LINGO2: variants seen among roughly 807,000 people sequenced by gnomAD.
LINGO2 encodes the protein leucine-rich repeat and immunoglobulin-like domain-containing nogo receptor-interacting protein 2.
Under a neutral mutation model 30.6 loss-of-function variants are expected in LINGO2, and 14 were observed. That is an observed-to-expected ratio of 0.46 (90% CI 0.30 to 0.72). The LOEUF (loss-of-function observed/expected upper bound fraction) is 0.72. Among genes scored for constraint, LINGO2 ranks in the 30% least tolerant of loss-of-function variants. The pLI is 0.07. For missense variants in LINGO2, 729 were observed against 751.7 expected (o/e 0.97, Z 0.35); for synonymous variants, 317 against 288.5 (o/e 1.10, Z -1.00).
At chr9:29,021,415 T>C in the LINGO2 span, among the ~76,000 whole-genome samples, 2 of 152,040 alleles carry the variant, frequency 1.3e-5, no homozygotes, top group Non-Finnish European at 2.9e-5. Context: ...TCCCAGCACT[T>C]TGGGAGGCGA....
chr9:28,088,592 G>A, intron 4 of LINGO2, among the ~76,000 whole-genome samples: 1 of 151,798 alleles, frequency 6.6e-6, no homozygotes, highest in Non-Finnish European at 1.5e-5. Context: ...GCAACATATG[G>A]AAGACCACAG....
chr9:29,038,861 C>T, the LINGO2 span, among the ~76,000 whole-genome samples: 32 of 151,996 alleles, frequency 2.1e-4, no homozygotes, highest in Non-Finnish European at 4.3e-4. Context: ...AATATTAAGA[C>T]GCCTTAACCG....
At chr9:28,579,934 A>G (rs1378115056) in intron 1 of LINGO2, among the ~76,000 whole-genome samples, 2 of 152,134 alleles carry the variant, frequency 1.3e-5, no homozygotes, top group Non-Finnish European at 2.9e-5. Flanking sequence ...ATATTTGATC[A>G]TGCATTACCC....
At chr9:28,886,689 A>G in the LINGO2 span, among the ~76,000 whole-genome samples, 14 of 152,002 alleles carry the variant, frequency 9.2e-5, no homozygotes, top group East Asian at 1.9e-4. Flanking sequence ...TTTTCTCTCT[A>G]TGTAATTTCC....
At chr9:27,950,671 T>TCTA (rs1378269761) in exon 6 of LINGO2, 18 of 1,505,926 alleles carry the variant, frequency 1.2e-5, no homozygotes, top group South Asian at 6.9e-5. Context: ...GTGTGAAGCA[T>TCTA]GACTCCACTT....
Position 28,130,770 on chromosome 9 carries a change from C to A in LINGO2, c.-86-118365G>T, listed in dbSNP as rs1426118827. ...TTATTATATTATCAGATATTCTGGG[C>A]CAAATGTGCAGAAATGGAAAAAGAT... On this transcript the variant is annotated intron_variant, in intron 4 of 5. Coordinates refer to ENST00000379992, the Ensembl canonical transcript of LINGO2. The surrounding 1 kb of genome is among the most constrained non-coding windows in gnomAD (Gnocchi z 5.2). 6.6e-6 allele frequency among the ~76,000 whole-genome samples: 1 copy of A among 151,866 alleles called. No individual in the cohort carries two copies. Among genetic ancestry groups the A allele is most frequent in the East Asian group, 1.9e-4 (1 of 5,194 alleles).
At chr9:28,265,232 C>T (rs986770765) in intron 4 of LINGO2, among the ~76,000 whole-genome samples, 1 of 151,742 alleles carries the variant, frequency 6.6e-6, no homozygotes, top group African/African-American at 2.4e-5. Context: ...CCTGGACAAC[C>T]CTGATGGATA....
intron 3 of LINGO2, among the ~76,000 whole-genome samples, chr9:28,307,648 T>C (rs961257965): frequency 1.6e-4 from 24 of 152,152 alleles, no homozygotes; most frequent in Admixed American, 1.5e-3. Context: ...TTGTCCCTGT[T>C]TGCAGATGAC....
At chr9:28,883,973 C>T in the LINGO2 span, among the ~76,000 whole-genome samples, 7 of 151,550 alleles carry the variant, frequency 4.6e-5, no homozygotes, top group African/African-American at 1.2e-4. Context: ...CCACCGCGCC[C>T]GGCTAGAATA....
downstream of LINGO2, among the ~76,000 whole-genome samples, chr9:27,947,289 G>A (rs967541085): frequency 1.3e-5 from 2 of 152,058 alleles, no homozygotes; most frequent in East Asian, 1.9e-4. Context: ...TGGTGGTCAC[G>A]GCATGACATC....
chr9:28,771,432 C>CTTTCTT, the LINGO2 span, among the ~76,000 whole-genome samples: 1 of 148,496 alleles, frequency 6.7e-6, no homozygotes, highest in Non-Finnish European at 1.5e-5. Flanking sequence ...CTCCTTTCTC[C>CTTTCTT]TTTCTTTTCT....
At chr9:28,324,537 C>A (rs1252866207) in intron 3 of LINGO2, among the ~76,000 whole-genome samples, 3 of 152,130 alleles carry the variant, frequency 2.0e-5, no homozygotes, top group African/African-American at 7.2e-5. Flanking sequence ...AAAGAATCTG[C>A]CAAAACCCAC....
the LINGO2 span, among the ~76,000 whole-genome samples, chr9:29,154,271 C>A: frequency 6.7e-5 from 10 of 150,070 alleles, no homozygotes; most frequent in Non-Finnish European, 1.3e-4. Flanking sequence ...CACGGTGAAA[C>A]CCCGTCTCTA....
chr9:28,944,969 G>C, the LINGO2 span, among the ~76,000 whole-genome samples: 11 of 152,260 alleles, frequency 7.2e-5, no homozygotes, highest in African/African-American at 2.6e-4. Context: ...AACTCATCAG[G>C]TGAAGGTGAA....
intron 1 of LINGO2, among the ~76,000 whole-genome samples, chr9:28,531,750 T>C (rs979533871): frequency 2.6e-5 from 4 of 152,100 alleles, no homozygotes; most frequent in Non-Finnish European, 4.4e-5. Context: ...TTTTGCCATT[T>C]ACTAAAGGCC....
chr9:28,511,754 C>T (rs1369655183), intron 1 of LINGO2, among the ~76,000 whole-genome samples: 4 of 152,198 alleles, frequency 2.6e-5, no homozygotes, highest in Non-Finnish European at 5.9e-5. Flanking sequence ...CCACTGGCTA[C>T]AGCCCATGCA....
At chr9:28,506,625 C>CAT (rs57643914) in intron 1 of LINGO2, among the ~76,000 whole-genome samples, 146,178 of 148,376 alleles carry the variant, frequency 0.99, 72,048 homozygotes, top group Middle Eastern at 1. Context: ...TGTCTCATAA[C>CAT]ATATATATAT....
At chr9:29,106,546 C>A in the LINGO2 span, among the ~76,000 whole-genome samples, 1 of 152,046 alleles carries the variant, frequency 6.6e-6, no homozygotes, top group African/African-American at 2.4e-5. Context: ...TTTCATTCTA[C>A]CCTTGATTTC....
At chr9:29,146,376 A>G in the LINGO2 span, among the ~76,000 whole-genome samples, 1 of 140,550 alleles carries the variant, frequency 7.1e-6, no homozygotes, top group African/African-American at 2.7e-5. Context: ...CAAACAAACA[A>G]AAAAAAACCA....
Sources: gnomAD v4.1 joint callset for allele counts (sites outside exome capture counted in the v4.1 genomes callset) on GRCh38, gnomAD v4.1.1 for gene constraint, Gnocchi (gnomAD v3.1) non-coding constraint, MANE v1.5 for transcripts, NCBI Gene and HGNC (gene_info 2026-07-23, HGNC 2026-07-21) for gene names.